MYH15: variants seen among roughly 807,000 people sequenced by gnomAD.
MYH15 encodes myosin heavy chain 15.
MYH15 carries 227 observed loss-of-function variants against 240.5 expected under a neutral mutation model. That is an observed-to-expected ratio of 0.94 (90% CI 0.85 to 1.05). MYH15 has a LOEUF of 1.05. MYH15 is among the 50% of genes least tolerant of loss of function. The pLI is 0.00. For missense variants in MYH15, 2,217 were observed against 2,247.5 expected (o/e 0.99, Z 0.27); for synonymous variants, 785 against 796.7 (o/e 0.99, Z 0.25).
chr3:108,455,582 A>G (rs1208445472), intron 20 of MYH15, among the ~76,000 whole-genome samples, 154 bp downstream of exon 20: 1 of 152,218 alleles, frequency 6.6e-6, no homozygotes, highest in African/African-American at 2.4e-5. Context: ...CTCAAACAGC[A>G]CCGAAGTTTT....
Position 108,510,443 on chromosome 3 carries a change from C to G in MYH15, c.88G>C (p.Gly30Arg). The G allele has an allele frequency of 1.9e-6, 3 of 1,596,458 alleles. No homozygotes were observed. The highest frequency in any genetic ancestry group is 1.1e-5 in the South Asian group (1 of 88,240). Residue 30 changes from glycine (G) to arginine (R), a missense_variant and splice_region_variant, in exon 1 of 41, where the codon GGG (glycine) becomes CGG (arginine). By Grantham distance (125) the Gly-to-Arg change is moderately radical. Coordinates refer to ENST00000693548, the MANE Select transcript of MYH15 (RefSeq NM_014981.3). ...AGCCAGCAACCACCACATGTCTCAC[C>G]ATCCAAGGCTGTGGCCTGTAGTAGA... is the stretch of plus-strand genomic sequence containing the variant. The part of the protein sequence containing the change: ...LLLLQATALD[G>R]KKKCWIPDGE...
chr3:108,541,858 A>G, the MYH15 span, among the ~76,000 whole-genome samples: 1 of 152,152 alleles, frequency 6.6e-6, no homozygotes, highest in Admixed American at 6.5e-5. Flanking sequence ...ATGATTTCCT[A>G]AATATCACAT....
chr3:108,430,335 T>C (rs542819585), intron 26 of MYH15, among the ~76,000 whole-genome samples: 1 of 152,354 alleles, frequency 6.6e-6, no homozygotes, highest in African/African-American at 2.4e-5. Flanking sequence ...TCACATGGTC[T>C]AAAACTTATA....
chr3:108,436,502 C>G (rs1241861705), intron 25 of MYH15, among the ~76,000 whole-genome samples: 2 of 152,224 alleles, frequency 1.3e-5, no homozygotes. Context: ...TCTCTTCCCT[C>G]TTTCACTGTG....
At chr3:108,440,184 A>T (rs2082873973) in intron 23 of MYH15, among the ~76,000 whole-genome samples, 1 of 152,224 alleles carries the variant, frequency 6.6e-6, no homozygotes, top group African/African-American at 2.4e-5. Flanking sequence ...TAATTATTTA[A>T]CATTATTAAT....
upstream of MYH15, among the ~76,000 whole-genome samples, chr3:108,515,127 T>C (rs1409040204): frequency 6.6e-6 from 1 of 152,170 alleles, no homozygotes; most frequent in Non-Finnish European, 1.5e-5. Flanking sequence ...AAGGTGACAC[T>C]GGTGTCCTGG....
intron 6 of MYH15, among the ~76,000 whole-genome samples, chr3:108,496,095 G>C (rs1046937541): frequency 1.3e-5 from 2 of 152,204 alleles, no homozygotes; most frequent in Admixed American, 6.5e-5. Context: ...GTGGGAGCTC[G>C]TTTATTTGCA....
chr3:108,427,328 T>G (rs1476541025), intron 27 of MYH15, among the ~76,000 whole-genome samples: 1 of 152,152 alleles, frequency 6.6e-6, no homozygotes, highest in Admixed American at 6.5e-5. Context: ...AGATGGGGCC[T>G]TTAGGAGGTG....
intron 12 of MYH15, among the ~76,000 whole-genome samples, 176 bp from the exon 13 acceptor site, chr3:108,471,023 G>A (rs1017994926): frequency 1.4e-4 from 15 of 108,316 alleles, no homozygotes; most frequent in Admixed American, 4.4e-4. Flanking sequence ...GAGAGAGAGA[G>A]AAAAAGAAAG....
intron 39 of MYH15, among the ~76,000 whole-genome samples, 192 bp from the exon 40 acceptor site, chr3:108,383,921 A>G (rs1157644968): frequency 6.6e-6 from 1 of 152,052 alleles, no homozygotes; most frequent in African/African-American, 2.4e-5. Context: ...CCATTTTTTT[A>G]TAACTTTTGT....
rs560655689 is a variant in MYH15 at position 108,386,475 on chromosome 3, T to C, written c.5536-1693A>G. ...CAGCATTAGCATTGAGGCCACACAC[T>C]TCCCAGGCAGCCCCCAGGCAATAGC... On this transcript the variant is annotated intron_variant, in intron 38 of 40. Transcript: ENST00000693548. 5.3e-5 allele frequency among the ~76,000 whole-genome samples: 8 copies of C among 152,286 alleles called. No individual in the cohort carries two copies. In the East Asian group the frequency reaches 1.5e-3, roughly 29 times the overall value.
the MYH15 span, among the ~76,000 whole-genome samples, chr3:108,540,048 C>A: frequency 6.6e-6 from 1 of 152,008 alleles, no homozygotes; most frequent in South Asian, 2.1e-4. Context: ...CTAAATATTG[C>A]CAAACAGAAC....
Position 108,417,628 on chromosome 3 carries a change from C to T in MYH15, c.3830-698G>A, listed in dbSNP as rs181163031. ...GAAATTCTATCATACTCTAGTCTAT[C>T]GTCCCTGCTTAACTTATCCTATTAA... On this transcript the variant is annotated intron_variant, in intron 28 of 40. Coordinates refer to ENST00000693548, the MANE Select transcript of MYH15 (RefSeq NM_014981.3). Among the ~76,000 whole-genome samples, 691 of 152,160 alleles carry T rather than the reference C, an allele frequency of 4.5e-3. 4 individuals are homozygous for T. The highest frequency in any genetic ancestry group is 5.2e-3 in the Non-Finnish European group (354 of 67,996).
At chr3:108,473,844 A>G (rs1429175536) in intron 12 of MYH15, among the ~76,000 whole-genome samples, 2 of 152,198 alleles carry the variant, frequency 1.3e-5, no homozygotes, top group African/African-American at 2.4e-5. Context: ...GGAGGAATGC[A>G]TTTAGAAATG....
intron 3 of MYH15, among the ~76,000 whole-genome samples, chr3:108,500,898 G>T (rs2083431907): frequency 6.6e-6 from 1 of 152,196 alleles, no homozygotes; most frequent in African/African-American, 2.4e-5. Flanking sequence ...GGCAGAGACT[G>T]GAGTGATACA....
chr3:108,410,925 G>C lies in MYH15; in HGVS notation c.4153C>G (p.Leu1385Val). 6.3e-7 allele frequency: 1 copy of C among 1,594,444 alleles called. No individual in the cohort carries two copies. The highest frequency in any genetic ancestry group is 8.6e-7 in the Non-Finnish European group (1 of 1,165,310). The change falls in exon 31 of 41, where the codon CTG becomes GTG. Residue 1385 changes from leucine to valine, a missense_variant. Leu to Val is a conservative substitution (Grantham distance 32). Transcript: ENST00000693548. Reference protein sequence around the residue: ...TEDLEDAKKELAIRLQEAAEA... With the variant: ...TEDLEDAKKEVAIRLQEAAEA... ...GCTGCCTCCTGCAATCTAATTGCCA[G>C]TTCCTTCCTGAGAAAGGAGGACACC...
intron 1 of MYH15, among the ~76,000 whole-genome samples, chr3:108,508,274 T>G (rs954313171): frequency 6.6e-6 from 1 of 152,198 alleles, no homozygotes; most frequent in Admixed American, 6.5e-5. Context: ...GAATAAAAAT[T>G]ATCAGAAATC....
Position 108,456,811 on chromosome 3 carries a change from C to G in MYH15, c.2093G>C (p.Arg698Pro). The G allele has an allele frequency of 6.2e-7, 1 of 1,613,664 alleles. No individual in the cohort carries two copies. The change falls in exon 19 of 41, where the codon CGT (arginine) becomes CCT (proline). Residue 698 changes from arginine (R) to proline (P), a missense_variant. Transcript: ENST00000693548. ...CTGCAGTCGGTTTGGAAAACCTTCA[C>G]GGCATATCCTAGTCCCTTCCAAGAC... ...NGVLEGTRIC[R>P]EGFPNRLQYA... is the part of the protein sequence containing the mutation.
upstream of MYH15, among the ~76,000 whole-genome samples, chr3:108,533,351 T>C (rs2083724814): frequency 6.6e-6 from 1 of 152,078 alleles, no homozygotes; most frequent in African/African-American, 2.4e-5. Flanking sequence ...TATCAATTAT[T>C]TACTAGCTCT....
Sources: gnomAD v4.1 joint callset for allele counts (sites outside exome capture counted in the v4.1 genomes callset) on GRCh38, gnomAD v4.1.1 for gene constraint, MANE v1.5 for transcripts, NCBI Gene and HGNC (gene_info 2026-07-23, HGNC 2026-07-21) for gene names.